The following ZBTB40 variants were observed in gnomAD, a reference collection of about 807,000 sequenced individuals.
ZBTB40 encodes the protein zinc finger and BTB domain-containing protein 40.
ZBTB40 carries 60 observed loss-of-function variants against 117.5 expected under a neutral mutation model. The ratio of observed to expected loss-of-function variants is 0.51; its 90% CI spans 0.41 to 0.63. The LOEUF (loss-of-function observed/expected upper bound fraction) is 0.63, where lower values mean the gene tolerates loss of function less well. Ranked by LOEUF, ZBTB40 falls within the 30% of genes least tolerant of loss-of-function variation. ZBTB40 has a pLI of 0.00. For missense variants in ZBTB40, 1,287 were observed against 1,498.5 expected (o/e 0.86, Z 2.33); for synonymous variants, 525 against 577.1 (o/e 0.91, Z 1.29).
intron 1 of ZBTB40, among the ~76,000 whole-genome samples, chr1:22,440,576 C>CT (rs1407171849): frequency 6.6e-6 from 1 of 152,164 alleles, no homozygotes; most frequent in East Asian, 1.9e-4. Flanking sequence ...AGCTTTCAGT[C>CT]TTTCACCACT....
intron 15 of ZBTB40, 144 bp downstream of exon 15, chr1:22,521,802 A>G (rs1319992723): frequency 1.6e-6 from 2 of 1,213,404 alleles, no homozygotes; most frequent in Admixed American, 1.9e-5. Context: ...ACCTGTCCGT[A>G]GCAGCAGCAG....
At position 22,471,997 on chromosome 1, in the gene ZBTB40, G is replaced by T. The variant is rs150935038; in HGVS notation, c.-69-17883G>T. Among the ~76,000 whole-genome samples the T allele has an allele frequency of 7.9e-5, 12 of 152,278 alleles. No individual in the cohort carries two copies. In the East Asian group the frequency reaches 2.3e-3, roughly 29 times the overall value. On this transcript the variant is annotated intron_variant, in intron 1 of 17. Coordinates refer to ENST00000375647, the MANE Select transcript of ZBTB40 (RefSeq NM_014870.4). ...TTGGCTTGTTTGAATAATTCCAGGGGCTGGCTGGGAACTGTAACCCACTCA... is the reference window on the plus strand; with the variant it reads ...TTGGCTTGTTTGAATAATTCCAGGGTCTGGCTGGGAACTGTAACCCACTCA...
intron 12 of ZBTB40, among the ~76,000 whole-genome samples, chr1:22,516,571 T>G (rs1639378435): frequency 6.6e-6 from 1 of 152,168 alleles, no homozygotes; most frequent in Non-Finnish European, 1.5e-5. Flanking sequence ...AGAGTCTTAT[T>G]TTGCAGCCCA....
rs191683174 is a variant in ZBTB40 at position 22,499,478 on chromosome 1, A to T, written c.832-2014A>T. Among the ~76,000 whole-genome samples, 8 of 152,326 alleles carry T rather than the reference A, an allele frequency of 5.3e-5. No individual in the cohort carries two copies. In the East Asian group the frequency reaches 1.5e-3, roughly 29 times the overall value. On this transcript the variant is annotated intron_variant, in intron 3 of 17. Coordinates refer to ENST00000375647, the MANE Select transcript of ZBTB40 (RefSeq NM_014870.4). ...TCCCTACTGCTGTCAGTGAAAAGGC[A>T]TTTTAAAGAGATTTCAAGTCAACTA...
At chr1:22,465,225 G>T (rs1299876718) in intron 1 of ZBTB40, among the ~76,000 whole-genome samples, 1 of 152,078 alleles carries the variant, frequency 6.6e-6, no homozygotes, top group African/African-American at 2.4e-5. Flanking sequence ...CTAGACGTCT[G>T]CTGCTCTCAG....
In ZBTB40 at chr1:22,526,540, G is replaced by T; in HGVS notation, c.*144G>T. ...CCAACACAGTCTCACCTAGAAAACAGATGGAAGCTTCGTTGTTCTCATAGA... is the reference window on the plus strand; with the variant it reads ...CCAACACAGTCTCACCTAGAAAACATATGGAAGCTTCGTTGTTCTCATAGA... On this transcript the variant is annotated 3_prime_UTR_variant, in exon 18 of 18. Coordinates refer to ENST00000375647, the MANE Select transcript of ZBTB40 (RefSeq NM_014870.4). 1 of 1,057,730 alleles carries T rather than the reference G, an allele frequency of 9.5e-7. No homozygotes were observed. The highest frequency in any genetic ancestry group is 1.4e-6 in the Non-Finnish European group (1 of 709,778). 65.5% of individuals were successfully genotyped at this position (1,057,730 alleles called of 1,614,324 possible). A position where few individuals can be genotyped will look rare whatever the true frequency, so the allele number is the denominator to read the frequency against.
chr1:22,450,589 C>T (rs1201814072), upstream of ZBTB40, among the ~76,000 whole-genome samples: 2 of 152,154 alleles, frequency 1.3e-5, no homozygotes, highest in African/African-American at 4.8e-5. Context: ...ATGACAATGA[C>T]AGTGAAAACA....
At chr1:22,512,855 T>A in intron 11 of ZBTB40, 69 bp from the exon 12 acceptor site, 1 of 1,558,778 alleles carries the variant, frequency 6.4e-7, no homozygotes, top group South Asian at 1.1e-5. Context: ...GCTCTTGGTA[T>A]CCTGTGCTAG....
chr1:22,473,022 A>T (rs1641448469), intron 1 of ZBTB40, among the ~76,000 whole-genome samples: 1 of 152,238 alleles, frequency 6.6e-6, no homozygotes, highest in African/African-American at 2.4e-5. Flanking sequence ...AGCCAAGGGC[A>T]GGTGCAAAAG....
At chr1:22,461,792 G>A (rs1261111161) in intron 1 of ZBTB40, among the ~76,000 whole-genome samples, 8 of 152,202 alleles carry the variant, frequency 5.3e-5, no homozygotes, top group Non-Finnish European at 1.0e-4. Context: ...TGTGCCATAA[G>A]CTCCTTGAGA....
intron 1 of ZBTB40, among the ~76,000 whole-genome samples, chr1:22,477,746 C>T (rs965462077): frequency 6.6e-6 from 1 of 151,960 alleles, no homozygotes; most frequent in Non-Finnish European, 1.5e-5. Flanking sequence ...ATATTAAAGT[C>T]TCTTATTAAA....
Position 22,526,820 on chromosome 1 carries a change from CA to C in ZBTB40, c.*427del, listed in dbSNP as rs1344694790. On this transcript the variant is annotated 3_prime_UTR_variant, in exon 18 of 18. Transcript: ENST00000375647. Reference sequence around the variant, plus strand: ...GGGACTTGGCCCACAGTGGGGGCTGCAAATGCTGCCACTGCCTCTGGCCATT... The same window carrying C: ...GGGACTTGGCCCACAGTGGGGGCTGCAATGCTGCCACTGCCTCTGGCCATT... 2 of 284,710 alleles carry C rather than the reference CA, an allele frequency of 7.0e-6. No homozygotes were observed. Among genetic ancestry groups the C allele is most frequent in the African/African-American group, 4.4e-5 (2 of 45,648 alleles). 17.6% of individuals were successfully genotyped at this position (284,710 alleles called of 1,614,324 possible).
chr1:22,451,424 C>T (rs1023165214), upstream of ZBTB40, among the ~76,000 whole-genome samples: 2 of 151,994 alleles, frequency 1.3e-5, no homozygotes, highest in African/African-American at 4.8e-5. Flanking sequence ...CATCTGGGCT[C>T]AGGAGTTCGG....
At chr1:22,449,408 AGC>A (rs1640829273), upstream of ZBTB40, among the ~76,000 whole-genome samples, 1 of 152,220 alleles carries the variant, frequency 6.6e-6, no homozygotes, top group South Asian at 2.1e-4. Flanking sequence ...TAGAAGGTCT[AGC>A]CATTGTCTTC....
At chr1:22,494,239 T>C (rs1425197904) in intron 3 of ZBTB40, among the ~76,000 whole-genome samples, 1 of 152,226 alleles carries the variant, frequency 6.6e-6, no homozygotes, top group Non-Finnish European at 1.5e-5. Flanking sequence ...TACTTTAAGC[T>C]TAATTTGTAA....
chr1:22,530,856 C>T lies in ZBTB40; in HGVS notation c.*4460C>T, dbSNP rs889128677. 1 of 152,186 alleles carries T rather than the reference C, an allele frequency of 6.6e-6. No homozygotes were observed. Among genetic ancestry groups the T allele is most frequent in the African/African-American group, 2.4e-5 (1 of 41,414 alleles). 9.4% of individuals were successfully genotyped at this position (152,186 alleles called of 1,614,324 possible). A position where few individuals can be genotyped will look rare whatever the true frequency, so the allele number is the denominator to read the frequency against. On this transcript the variant is annotated 3_prime_UTR_variant, in exon 18 of 18. Coordinates refer to ENST00000375647, the MANE Select transcript of ZBTB40 (RefSeq NM_014870.4). ...ATGGCCTGGGGGAAAGAAAGCTCTC[C>T]TGTCACTTGGAGTCTCATTCCTAAA...
At chr1:22,458,803 C>G (rs944440031) in intron 1 of ZBTB40, among the ~76,000 whole-genome samples, 2 of 152,190 alleles carry the variant, frequency 1.3e-5, no homozygotes, top group African/African-American at 2.4e-5. Context: ...GTTGCCCAGG[C>G]TGGTCTTGAA....
intron 1 of ZBTB40, among the ~76,000 whole-genome samples, chr1:22,465,976 G>A (rs1641245258): frequency 6.6e-6 from 1 of 152,160 alleles, no homozygotes. Context: ...TCCAATTCCA[G>A]AACGTGTTTT....
intron 7 of ZBTB40, 69 bp downstream of exon 7, chr1:22,508,206 A>G: frequency 2.0e-6 from 3 of 1,513,558 alleles, no homozygotes; most frequent in Non-Finnish European, 2.7e-6. Context: ...ATGAATACAC[A>G]CACACATTTA....
Sources: allele counts gnomAD v4.1 joint callset (sites outside exome capture counted in the v4.1 genomes callset), GRCh38; gene constraint gnomAD v4.1.1; transcripts MANE v1.5; gene names NCBI Gene and HGNC (gene_info 2026-07-23, HGNC 2026-07-21).